ANXA11: variants seen among roughly 807,000 people sequenced by gnomAD.
The protein encoded by ANXA11 is annexin A11.
Under a neutral mutation model 64.7 loss-of-function variants are expected in ANXA11, and 57 were observed. The ratio of observed to expected loss-of-function variants is 0.88; its 90% confidence interval spans 0.71 to 1.10. ANXA11 has a LOEUF of 1.10. Ranked by LOEUF, ANXA11 falls within the 50% of genes least tolerant of loss-of-function variation. The pLI, the probability that ANXA11 is intolerant of heterozygous loss-of-function variation, is 0.00. For missense variants in ANXA11, 675 were observed against 670.7 expected (o/e 1.01, Z -0.07); for synonymous variants, 260 against 265.2 (o/e 0.98, Z 0.19).
chr10:80,155,624 A>G lies in ANXA11; in HGVS notation c.*229T>C, dbSNP rs1845243990. 1 of 511,270 alleles carries G rather than the reference A, an allele frequency of 2.0e-6. No individual in the cohort carries two copies. Among genetic ancestry groups the G allele is most frequent in the Admixed American group, 3.6e-5 (1 of 27,450 alleles). The allele number at this position is 511,270 out of a possible 1,614,324, so 31.7% of individuals were successfully genotyped here. A position where few individuals can be genotyped will look rare whatever the true frequency, so the allele number is the denominator to read the frequency against. ...AGAAAAATGAAACATCTATTTTAGC[A>G]GCAAGAGGCTGTGAGGGATGGGGTA... On this transcript the variant is annotated 3_prime_UTR_variant, in exon 16 of 16. Transcript: ENST00000422982.
chr10:80,176,939 T>C (rs1282403730), intron 1 of ANXA11, among the ~76,000 whole-genome samples: 1 of 151,608 alleles, frequency 6.6e-6, no homozygotes, highest in Non-Finnish European at 1.5e-5. Flanking sequence ...CATTTTTCCC[T>C]CTGTCATTCT....
chr10:80,184,183 A>G (rs561417513), intron 1 of ANXA11, among the ~76,000 whole-genome samples: 2 of 152,272 alleles, frequency 1.3e-5, no homozygotes, highest in African/African-American at 4.8e-5. Flanking sequence ...CAGACATCAT[A>G]TATTATTTCA....
rs1221665996 is a variant in ANXA11, at chr10:80,169,322, T to C, written c.208A>G (p.Met70Val). Residue 70 changes from methionine (M) to valine (V), a missense_variant, in exon 5 of 16, where the codon ATG becomes GTG. Physicochemically the swap from Met to Val is conservative, Grantham distance 21. Transcript: ENST00000422982. Reference protein sequence around the residue: ...NMSGTFGGANMPNLYPGAPGA... With the variant: ...NMSGTFGGANVPNLYPGAPGA... ...GGGGCCCCAGGGTACAGGTTGGGCA[T>C]GTTGGCTCCTCCAAATGTCCCAGAC... 2 of 1,609,740 alleles carry C rather than the reference T, an allele frequency of 1.2e-6. No individual in the cohort carries two copies. Among genetic ancestry groups the C allele is most frequent in the African/African-American group, 1.3e-5 (1 of 75,016 alleles).
At chr10:80,198,476 G>A (rs1465357393) in intron 1 of ANXA11, among the ~76,000 whole-genome samples, 2 of 152,222 alleles carry the variant, frequency 1.3e-5, no homozygotes, top group African/African-American at 4.8e-5. Context: ...CCAACATGTG[G>A]CCCGGCGGCA....
intron 1 of ANXA11, among the ~76,000 whole-genome samples, chr10:80,191,748 C>T (rs185444731): frequency 2.6e-5 from 4 of 152,322 alleles, no homozygotes; most frequent in Admixed American, 2.6e-4. Flanking sequence ...GGCCAGGCTA[C>T]GCATGCCCAG....
chr10:80,168,255 G>GGC (rs1453382861), intron 5 of ANXA11, among the ~76,000 whole-genome samples: 1 of 151,674 alleles, frequency 6.6e-6, no homozygotes, highest in Non-Finnish European at 1.5e-5. Flanking sequence ...TCTGTGCCGG[G>GGC]GGGGGCGGGG....
chr10:80,203,021 G>C (rs7094956), intron 1 of ANXA11, among the ~76,000 whole-genome samples: 2 of 145,816 alleles, frequency 1.4e-5, no homozygotes, highest in African/African-American at 2.6e-5. Flanking sequence ...ACTCCAGCCT[G>C]GGTGACAGGG....
At chr10:80,199,155 G>A (rs928824413) in intron 1 of ANXA11, among the ~76,000 whole-genome samples, 3 of 148,870 alleles carry the variant, frequency 2.0e-5, no homozygotes, top group Admixed American at 6.7e-5. Flanking sequence ...GGAGTGCAGT[G>A]GCACGATCTC....
At chr10:80,196,869 C>T (rs1156510900) in intron 1 of ANXA11, among the ~76,000 whole-genome samples, 2 of 152,166 alleles carry the variant, frequency 1.3e-5, no homozygotes, top group African/African-American at 2.4e-5. Flanking sequence ...AGGGCTGGCA[C>T]CTGGGGCAGC....
rs55965241 is a variant in ANXA11, at chr10:80,155,299, CT to C, written c.*553del. 4 of 151,948 alleles carry C rather than the reference CT, an allele frequency of 2.6e-5. No homozygotes were observed. The highest frequency in any genetic ancestry group is 7.3e-5 in the African/African-American group (3 of 41,234). 9.4% of individuals were successfully genotyped at this position (151,948 alleles called of 1,614,324 possible). ...AGATGGAAGGAATGACTTTCTGGCC[CT>C]TTTTTTTTGTTTTTTCTAAAAAGGA... is the stretch of plus-strand genomic sequence containing the variant. On this transcript the variant is annotated 3_prime_UTR_variant, in exon 16 of 16. Coordinates refer to ENST00000422982, the MANE Select transcript of ANXA11 (RefSeq NM_145868.2).
At position 80,164,284 on chromosome 10, in the gene ANXA11, C is replaced by T. The variant is rs1254599731; in HGVS notation, c.859-141G>A. On this transcript the variant is annotated intron_variant, in intron 8 of 15. Coordinates refer to ENST00000422982, the MANE Select transcript of ANXA11 (RefSeq NM_145868.2). ...CACAGAGACACACCCTCCAGCCACTCCCAGGCTCGAGGGCATCAGCTCTTC... is the reference window on the plus strand; with the variant it reads ...CACAGAGACACACCCTCCAGCCACTTCCAGGCTCGAGGGCATCAGCTCTTC... 4.8e-6 allele frequency: 3 copies of T among 627,238 alleles called. No homozygotes were observed. The African/African-American group carries it at 5.5e-5, about 11-fold the overall frequency. 38.9% of individuals were successfully genotyped at this position (627,238 alleles called of 1,614,324 possible).
At chr10:80,167,756 A>G (rs1845804324) in intron 5 of ANXA11, among the ~76,000 whole-genome samples, 1 of 152,154 alleles carries the variant, frequency 6.6e-6, no homozygotes, top group Non-Finnish European at 1.5e-5. Context: ...GCAGGTATTG[A>G]GCCTCCACAA....
chr10:80,175,160 G>C (rs1846124499), intron 2 of ANXA11, among the ~76,000 whole-genome samples: 1 of 152,192 alleles, frequency 6.6e-6, no homozygotes, highest in Admixed American at 6.5e-5. Flanking sequence ...TCAGTACAAA[G>C]CCCTCCCCGT....
intron 1 of ANXA11, among the ~76,000 whole-genome samples, chr10:80,198,614 C>T (rs1227426492): frequency 1.3e-5 from 2 of 152,246 alleles, no homozygotes; most frequent in South Asian, 2.1e-4. Flanking sequence ...TGTTCTTATA[C>T]ATGCTCAAGT....
intron 8 of ANXA11, among the ~76,000 whole-genome samples, chr10:80,164,553 G>A (rs1411445467): frequency 2.0e-5 from 3 of 152,324 alleles, no homozygotes; most frequent in Admixed American, 6.5e-5. Flanking sequence ...GTGGACATAC[G>A]AAACCCTGGT....
chr10:80,192,070 C>G (rs1469419945), intron 1 of ANXA11, among the ~76,000 whole-genome samples: 1 of 152,146 alleles, frequency 6.6e-6, no homozygotes, highest in African/African-American at 2.4e-5. Context: ...CGGACTCAGG[C>G]CCAGTTCTCT....
At chr10:80,205,157 A>T (rs1323660914) in intron 1 of ANXA11, among the ~76,000 whole-genome samples, 186 bp downstream of exon 1, 2 of 151,968 alleles carry the variant, frequency 1.3e-5, no homozygotes, top group Non-Finnish European at 2.9e-5. Flanking sequence ...TGCCAGGCCG[A>T]CACGGCCCGC....
chr10:80,171,093 G>T, intron 3 of ANXA11, 178 bp from the exon 4 acceptor site: 1 of 1,511,572 alleles, frequency 6.6e-7, no homozygotes, highest in East Asian at 2.5e-5. Context: ...CTATCCCACT[G>T]GCAGAGGAGG....
intron 11 of ANXA11, 54 bp downstream of exon 11, chr10:80,163,295 A>C (rs1845586775): frequency 4.4e-6 from 7 of 1,605,130 alleles, no homozygotes; most frequent in Middle Eastern, 2.2e-4. Flanking sequence ...GGAAGCAAGA[A>C]AGCGGGGTGC....
Sources: gnomAD v4.1 joint callset for allele counts (sites outside exome capture counted in the v4.1 genomes callset) on GRCh38, gnomAD v4.1.1 for gene constraint, MANE v1.5 for transcripts, NCBI Gene and HGNC (gene_info 2026-07-23, HGNC 2026-07-21) for gene names.